The following PCDHA3 variants were observed in gnomAD, a reference collection of about 807,000 sequenced individuals.
The protein encoded by PCDHA3 is protocadherin alpha-3.
Under a neutral mutation model 62.2 loss-of-function variants are expected in PCDHA3, and 41 were observed. That is an observed-to-expected ratio of 0.66 (90% CI 0.51 to 0.86). PCDHA3 has a LOEUF of 0.86. Among genes scored for constraint, PCDHA3 ranks in the 40% least tolerant of loss-of-function variants. The pLI, the probability that PCDHA3 is intolerant of heterozygous loss-of-function variation, is 0.00. For missense variants in PCDHA3, 1,304 were observed against 1,241.2 expected, an observed-to-expected ratio of 1.05 and a Z score of -0.76; for synonymous variants, 640 against 555.4, an observed-to-expected ratio of 1.15 and a Z score of -2.14.
chr5:140,974,832 T>C (rs114216401), intron 1 of PCDHA3, among the ~76,000 whole-genome samples: 60 of 152,346 alleles, frequency 3.9e-4, no homozygotes, highest in African/African-American at 1.4e-3. Context: ...ATAATGATTA[T>C]TTTAAATGTT....
intron 1 of PCDHA3, chr5:140,884,214 T>G: frequency 6.2e-7 from 1 of 1,613,446 alleles, no homozygotes; most frequent in African/African-American, 1.3e-5. Context: ...CGCCTTCTGG[T>G]GCTGGTGAAG....
At chr5:140,928,096 C>T (rs145229632) in intron 1 of PCDHA3, 1 of 1,614,170 alleles carries the variant, frequency 6.2e-7, no homozygotes, top group Non-Finnish European at 8.5e-7. Context: ...GATTGATGGG[C>T]CCCTGGACCG....
intron 1 of PCDHA3, chr5:140,928,948 A>G: frequency 1.2e-6 from 2 of 1,614,032 alleles, no homozygotes; most frequent in Non-Finnish European, 1.7e-6. Flanking sequence ...GTATTTAGTA[A>G]TTGCCTTGGC....
chr5:140,870,825 C>G (rs1554164734), intron 1 of PCDHA3: 1 of 1,613,726 alleles, frequency 6.2e-7, no homozygotes. Flanking sequence ...GCGCGGGAGG[C>G]GCAGTTAACA....
Position 141,010,227 on chromosome 5 carries a change from C to T in PCDHA3, c.*290C>T. 6.4e-7 allele frequency: 1 copy of T among 1,551,876 alleles called. No homozygotes were observed. The highest frequency in any genetic ancestry group is 8.7e-7 in the Non-Finnish European group (1 of 1,147,036). On this transcript the variant is annotated 3_prime_UTR_variant, in exon 4 of 4. Coordinates refer to ENST00000522353, the MANE Select transcript of PCDHA3 (RefSeq NM_018906.3). ...GCCGCAAAGGAGAGGCTTCCCAGCC[C>T]CGCCAGTGAGAGGTTGGACTCTCTG...
intron 1 of PCDHA3, chr5:140,968,614 A>T: frequency 6.2e-7 from 1 of 1,614,142 alleles, no homozygotes; most frequent in Non-Finnish European, 8.5e-7. Context: ...ACTCTGGGCA[A>T]AATGCTTGGC....
In PCDHA3 at chr5:140,867,382, C is replaced by T. The variant is rs1201158672; in HGVS notation, c.2394+63791C>T. ...TTTTACAGATGCGTAATGGAATTAA[C>T]GGTTATAAAAGTTGATATGTCTCCT... On this transcript the variant is annotated intron_variant, in intron 1 of 3. Coordinates refer to ENST00000522353, the MANE Select transcript of PCDHA3 (RefSeq NM_018906.3). The T allele has an allele frequency of 4.6e-5, 7 of 152,006 alleles. No individual in the cohort carries two copies. In the East Asian group the frequency reaches 7.7e-4, roughly 17 times the overall value. 9.4% of individuals were successfully genotyped at this position (152,006 alleles called of 1,614,324 possible).
intron 1 of PCDHA3, among the ~76,000 whole-genome samples, chr5:140,924,394 T>A (rs973977224): frequency 2.0e-5 from 3 of 152,176 alleles, no homozygotes; most frequent in Admixed American, 2.0e-4. Context: ...CTACTTATAT[T>A]GCCTTATATC....
chr5:140,997,349 G>A (rs954510019), intron 3 of PCDHA3, among the ~76,000 whole-genome samples: 3 of 152,256 alleles, frequency 2.0e-5, no homozygotes, highest in South Asian at 2.1e-4. Context: ...ATCATAGAAT[G>A]TACTTACATA....
rs1354537383 is a variant in PCDHA3 at position 140,982,283 on chromosome 5, A to G, written c.2454-192A>G. On this transcript the variant is annotated intron_variant, in intron 2 of 3. Coordinates refer to ENST00000522353, the MANE Select transcript of PCDHA3 (RefSeq NM_018906.3). The stretch of plus-strand genomic sequence containing the variant: ...TGTTCCTGGAATAGTATAGCAGGCA[A>G]TAAGTAAGTCAGCAATGCTTCTGCA... 1.7e-5 allele frequency: 18 copies of G among 1,044,438 alleles called. No homozygotes were observed. In the East Asian group the frequency reaches 2.7e-4, roughly 16 times the overall value. 64.7% of individuals were successfully genotyped at this position (1,044,438 alleles called of 1,614,324 possible).
At chr5:140,867,118 T>C (rs2049765139) in intron 1 of PCDHA3, 1 of 152,172 alleles carries the variant, frequency 6.6e-6, no homozygotes, top group Admixed American at 6.5e-5. Context: ...CATATTGTTT[T>C]AATTCAAATA....
At chr5:140,857,661 A>ACTC (rs1554150470) in intron 1 of PCDHA3, 1 of 1,596,582 alleles carries the variant, frequency 6.3e-7, no homozygotes. Flanking sequence ...AGCGCGCGCG[A>ACTC]TGGGGGCGTG....
intron 1 of PCDHA3, chr5:140,871,632 T>G (rs1554165792): frequency 7.2e-7 from 1 of 1,380,660 alleles, no homozygotes; most frequent in Non-Finnish European, 9.6e-7. Context: ...ACAATGTCTG[T>G]TCATAAAATA....
intron 1 of PCDHA3, chr5:140,829,634 G>C (rs2150171830): frequency 4.0e-5 from 64 of 1,612,200 alleles, no homozygotes; most frequent in South Asian, 6.6e-5. Flanking sequence ...CGCGGAGAGC[G>C]GCAAGGTGTA....
Position 141,010,222 on chromosome 5 carries a change from C to T in PCDHA3, c.*285C>T. 6.4e-7 allele frequency: 1 copy of T among 1,551,730 alleles called. No homozygotes were observed. The highest frequency in any genetic ancestry group is 2.4e-5 in the East Asian group (1 of 40,912). ...CCTCCGCCGCAAAGGAGAGGCTTCC[C>T]AGCCCCGCCAGTGAGAGGTTGGACT... On this transcript the variant is annotated 3_prime_UTR_variant, in exon 4 of 4. Transcript: ENST00000522353.
At chr5:140,900,422 C>G (rs1422913254) in intron 1 of PCDHA3, among the ~76,000 whole-genome samples, 1 of 152,142 alleles carries the variant, frequency 6.6e-6, no homozygotes, top group East Asian at 1.9e-4. Context: ...GGATTATAGG[C>G]ACGTGCCACC....
intron 1 of PCDHA3, chr5:140,812,771 C>T (rs1189411783): frequency 1.3e-5 from 2 of 152,154 alleles, no homozygotes; most frequent in Non-Finnish European, 2.9e-5. Flanking sequence ...CTTAATATTC[C>T]TTCTTAGTAC....
rs550398364 is a variant in PCDHA3, at chr5:140,897,290, G to A, written c.2395-81659G>A. Among the ~76,000 whole-genome samples the A allele has an allele frequency of 1.2e-4, 18 of 150,778 alleles. No homozygotes were observed. In the East Asian group the frequency reaches 1.4e-3, roughly 11 times the overall value. On this transcript the variant is annotated intron_variant, in intron 1 of 3. Coordinates refer to ENST00000522353, the MANE Select transcript of PCDHA3 (RefSeq NM_018906.3). ...GCTGGTGTGCTGCACCCATTAACTC[G>A]TCATTTAGCATTAGGTATATCTCCT...
chr5:140,871,247 T>C (rs1340682715), intron 1 of PCDHA3: 1 of 1,613,990 alleles, frequency 6.2e-7, no homozygotes, highest in Non-Finnish European at 8.5e-7. Context: ...CTCACGCTGC[T>C]GCTGTATACG....
Sources: gnomAD v4.1 joint callset for allele counts (sites outside exome capture counted in the v4.1 genomes callset) on GRCh38, gnomAD v4.1.1 for gene constraint, MANE v1.5 for transcripts, NCBI Gene and HGNC (gene_info 2026-07-23, HGNC 2026-07-21) for gene names.